CNTN4: variants seen among roughly 807,000 people sequenced by gnomAD.
CNTN4 encodes the protein contactin 4.
CNTN4 carries 77 observed loss-of-function variants against 122.5 expected under a neutral mutation model. The ratio of observed to expected loss-of-function variants is 0.63; its 90% CI spans 0.52 to 0.76. The LOEUF (loss-of-function observed/expected upper bound fraction) is 0.76. Ranked by LOEUF, CNTN4 falls within the 30% of genes least tolerant of loss-of-function variation. The probability of loss-of-function intolerance (pLI) is 0.00; values close to 1 mark genes in which losing one functional copy is unlikely to be tolerated. For synonymous variants in CNTN4, 512 were observed against 447.0 expected (o/e 1.15, Z -1.83); for missense variants, 1,256 against 1,259.1 (o/e 1.00, Z 0.04).
At chr3:2,893,999 T>C (rs1257789984) in intron 10 of CNTN4, among the ~76,000 whole-genome samples, 1 of 152,172 alleles carries the variant, frequency 6.6e-6, no homozygotes, top group Non-Finnish European at 1.5e-5. Context: ...TAGAACTTAA[T>C]TTACTTTAAA....
At chr3:2,556,682 A>G (rs934857094) in intron 3 of CNTN4, among the ~76,000 whole-genome samples, 12 of 152,062 alleles carry the variant, frequency 7.9e-5, no homozygotes, top group South Asian at 2.1e-4. Context: ...CACATTTTAT[A>G]TATGTGTGTG....
At chr3:2,840,121 C>T (rs1172985444) in intron 7 of CNTN4, among the ~76,000 whole-genome samples, 2 of 152,134 alleles carry the variant, frequency 1.3e-5, no homozygotes, top group Non-Finnish European at 2.9e-5. Context: ...AACTTCTCAA[C>T]AGATGTGTTC....
intron 4 of CNTN4, among the ~76,000 whole-genome samples, chr3:2,602,372 G>T (rs891692206): frequency 2.0e-5 from 3 of 152,170 alleles, no homozygotes; most frequent in Non-Finnish European, 4.4e-5. Flanking sequence ...ATCTCTTTAA[G>T]CTGATGAAGA....
At chr3:2,137,793 C>T (rs1204497724) in intron 2 of CNTN4, among the ~76,000 whole-genome samples, 6 of 152,186 alleles carry the variant, frequency 3.9e-5, no homozygotes, top group African/African-American at 1.2e-4. Flanking sequence ...AAAGCCAAAG[C>T]GGGCCAGGCA....
chr3:3,002,250 A>T (rs1265349672), intron 14 of CNTN4, among the ~76,000 whole-genome samples: 1 of 152,182 alleles, frequency 6.6e-6, no homozygotes, highest in African/African-American at 2.4e-5. Context: ...CAGCTCCAGA[A>T]AATCAGGGTG....
chr3:2,190,254 C>T (rs1400191289), intron 2 of CNTN4, among the ~76,000 whole-genome samples: 1 of 151,274 alleles, frequency 6.6e-6, no homozygotes, highest in African/African-American at 2.4e-5. Context: ...ACAGAAATGA[C>T]AAAAGTCAAT....
At chr3:2,442,411 C>G (rs1171567223) in intron 3 of CNTN4, among the ~76,000 whole-genome samples, 1 of 152,004 alleles carries the variant, frequency 6.6e-6, no homozygotes, top group East Asian at 1.9e-4. Context: ...TGAAGAAAGT[C>G]CAGATCTTGG....
intron 2 of CNTN4, among the ~76,000 whole-genome samples, chr3:2,111,967 T>C (rs1335892530): frequency 6.6e-6 from 1 of 152,184 alleles, no homozygotes; most frequent in Non-Finnish European, 1.5e-5. Context: ...TTTGCTCATA[T>C]GCTTTTATCT....
At chr3:2,884,888 C>A (rs2093953359) in intron 9 of CNTN4, among the ~76,000 whole-genome samples, 1 of 152,196 alleles carries the variant, frequency 6.6e-6, no homozygotes, top group Non-Finnish European at 1.5e-5. Context: ...GTATGCACAT[C>A]CAGCTGCTGA....
At chr3:2,354,459 A>T (rs1227248788) in intron 3 of CNTN4, among the ~76,000 whole-genome samples, 2 of 152,196 alleles carry the variant, frequency 1.3e-5, no homozygotes, top group East Asian at 3.9e-4. Flanking sequence ...TGAACCCGGG[A>T]GGCGGAGGTT....
chr3:2,460,890 A>G (rs1285170632), intron 3 of CNTN4, among the ~76,000 whole-genome samples: 1 of 80,834 alleles, frequency 1.2e-5, no homozygotes, highest in Non-Finnish European at 2.7e-5. Flanking sequence ...TAGCTGAAAG[A>G]GTGAGAGTTC....
chr3:2,278,722 G>A (rs1175242570), intron 2 of CNTN4, among the ~76,000 whole-genome samples: 1 of 152,094 alleles, frequency 6.6e-6, no homozygotes, highest in Non-Finnish European at 1.5e-5. Flanking sequence ...TCCTGAAAAA[G>A]TTTTCTAACT....
chr3:2,220,156 G>A (rs563599864), intron 2 of CNTN4, among the ~76,000 whole-genome samples: 65 of 152,176 alleles, frequency 4.3e-4, no homozygotes, highest in Admixed American at 5.9e-4. Context: ...CAGTTTTAAA[G>A]TGGAGCTCAA....
chr3:2,567,237 C>A (rs2079208425), intron 3 of CNTN4, among the ~76,000 whole-genome samples: 1 of 152,058 alleles, frequency 6.6e-6, no homozygotes, highest in Non-Finnish European at 1.5e-5. Context: ...CAGGCATGTG[C>A]CACCACACCC....
chr3:2,692,577 T>C (rs1294556804), intron 4 of CNTN4, among the ~76,000 whole-genome samples: 1 of 152,170 alleles, frequency 6.6e-6, no homozygotes, highest in Non-Finnish European at 1.5e-5. Flanking sequence ...TTTCTTTGAC[T>C]AAAATATCCG....
At position 2,556,794 on chromosome 3, in the gene CNTN4, A is replaced by G. The variant is rs2078739575; in HGVS notation, c.-88-14622A>G. On this transcript the variant is annotated intron_variant, in intron 3 of 24. Coordinates refer to ENST00000418658, the MANE Select transcript of CNTN4 (RefSeq NM_175607.3). Reference sequence around the variant, plus strand: ...TCTACTCAACATTGCTTAGAAACACAAGTTCTAAGGTCCAAACTTAAGGGT... The same window carrying G: ...TCTACTCAACATTGCTTAGAAACACGAGTTCTAAGGTCCAAACTTAAGGGT... Among the ~76,000 whole-genome samples, 3 of 152,238 alleles carry G rather than the reference A, an allele frequency of 2.0e-5. No individual in the cohort carries two copies. The South Asian group carries it at 6.2e-4, about 32-fold the overall frequency.
At chr3:2,735,852 G>T in intron 4 of CNTN4, 1 of 425,356 alleles carries the variant, frequency 2.4e-6, no homozygotes, top group South Asian at 1.7e-5. Flanking sequence ...ACACTAGACA[G>T]CCATCCACAA....
At chr3:2,165,335 A>G (rs186674154) in intron 2 of CNTN4, among the ~76,000 whole-genome samples, 62 of 152,080 alleles carry the variant, frequency 4.1e-4, no homozygotes, top group African/African-American at 1.3e-3. Context: ...AAAAAAAAAA[A>G]AGACAAAACA....
At chr3:2,833,913 G>A (rs2093158424) in intron 7 of CNTN4, among the ~76,000 whole-genome samples, 1 of 152,142 alleles carries the variant, frequency 6.6e-6, no homozygotes, top group South Asian at 2.1e-4. Context: ...GCCAAGGCAG[G>A]CGGATCACTT....
Sources: gnomAD v4.1 joint callset for allele counts (sites outside exome capture counted in the v4.1 genomes callset) on GRCh38, gnomAD v4.1.1 for gene constraint, MANE v1.5 for transcripts, NCBI Gene and HGNC (gene_info 2026-07-23, HGNC 2026-07-21) for gene names.